Variants in IQCM observed in about 807,000 individuals in gnomAD.
The protein encoded by IQCM is IQ domain-containing protein M.
A neutral mutation model predicts 57.6 loss-of-function variants in IQCM; 45 were observed. That is an observed-to-expected ratio of 0.78 (90% CI 0.62 to 1.00). The LOEUF is 1.00. Among genes scored for constraint, IQCM ranks in the 50% least tolerant of loss-of-function variants. IQCM has a pLI of 0.00. For synonymous variants in IQCM, 148 were observed against 158.9 expected, an observed-to-expected ratio of 0.93 and a Z score of 0.51; for missense variants, 468 against 511.6, an observed-to-expected ratio of 0.91 and a Z score of 0.82.
intron 8 of IQCM, among the ~76,000 whole-genome samples, chr4:149,608,845 A>G (rs1431753487): frequency 6.6e-6 from 1 of 151,864 alleles, no homozygotes; most frequent in African/African-American, 2.4e-5. Context: ...ATCTTAAAGA[A>G]CAAGAAAAGC....
intron 13 of IQCM, among the ~76,000 whole-genome samples, chr4:149,357,762 A>G (rs962661538): frequency 2.0e-5 from 3 of 152,170 alleles, no homozygotes; most frequent in Non-Finnish European, 2.9e-5. Context: ...GGCCTCATCA[A>G]ATGAGTTAGG....
intron 12 of IQCM, among the ~76,000 whole-genome samples, chr4:149,517,114 G>GAAAAAAAAA: frequency 1.2e-5 from 1 of 83,900 alleles, no homozygotes; most frequent in South Asian, 5.0e-4. Flanking sequence ...ACTCCACCAG[G>GAAAAAAAAA]AAAAAAAAAA....
chr4:149,620,169 A>G (rs1316038271), intron 8 of IQCM, among the ~76,000 whole-genome samples: 1 of 152,188 alleles, frequency 6.6e-6, no homozygotes, highest in Admixed American at 6.5e-5. Context: ...AAACAAAAAA[A>G]AAAGAAAAGA....
At chr4:149,451,085 C>G (rs771798538) in intron 12 of IQCM, among the ~76,000 whole-genome samples, 7 of 151,450 alleles carry the variant, frequency 4.6e-5, no homozygotes, top group Non-Finnish European at 1.0e-4. Context: ...TAAGCCAGGC[C>G]AAAAAGGCAA....
intron 12 of IQCM, among the ~76,000 whole-genome samples, chr4:149,497,266 A>C (rs1742754036): frequency 6.6e-6 from 1 of 152,102 alleles, no homozygotes; most frequent in Non-Finnish European, 1.5e-5. Flanking sequence ...CAGGACAAAT[A>C]ATAGAAAAGC....
At chr4:149,384,163 G>A (rs1013224810) in intron 13 of IQCM, among the ~76,000 whole-genome samples, 1 of 152,038 alleles carries the variant, frequency 6.6e-6, no homozygotes, top group African/African-American at 2.4e-5. Context: ...AAAGTGATAT[G>A]GATTTATATC....
intron 13 of IQCM, among the ~76,000 whole-genome samples, chr4:149,415,684 A>C (rs964176793): frequency 6.6e-6 from 1 of 152,154 alleles, no homozygotes; most frequent in African/African-American, 2.4e-5. Context: ...GAGACTAATA[A>C]TAGAATATTC....
chr4:149,770,133 A>G (rs1471993559), intron 2 of IQCM, among the ~76,000 whole-genome samples: 2 of 152,124 alleles, frequency 1.3e-5, no homozygotes, highest in African/African-American at 4.8e-5. Flanking sequence ...CAATAAAAAA[A>G]GGGGGCATTG....
chr4:149,628,726 G>A (rs1019187786), intron 7 of IQCM, among the ~76,000 whole-genome samples: 6 of 152,198 alleles, frequency 3.9e-5, no homozygotes, highest in East Asian at 3.9e-4. Context: ...AAAGAGACTT[G>A]CATACAAGTA....
intron 12 of IQCM, among the ~76,000 whole-genome samples, chr4:149,480,408 C>A (rs559537063): frequency 9.2e-5 from 14 of 152,180 alleles, no homozygotes; most frequent in African/African-American, 2.9e-4. Flanking sequence ...TCCTCCACAC[C>A]TTCCCATTAC....
chr4:149,534,103 C>G (rs1200645919), intron 12 of IQCM, among the ~76,000 whole-genome samples: 1 of 152,062 alleles, frequency 6.6e-6, no homozygotes, highest in Non-Finnish European at 1.5e-5. Flanking sequence ...CTATTTCTTA[C>G]TTTAAAAATC....
intron 12 of IQCM, among the ~76,000 whole-genome samples, chr4:149,444,052 C>T (rs1261104251): frequency 6.6e-6 from 1 of 151,816 alleles, no homozygotes; most frequent in East Asian, 1.9e-4. Context: ...CCTGATAAAG[C>T]TAAATTCCCA....
chr4:149,513,514 T>C (rs562787787), intron 12 of IQCM, among the ~76,000 whole-genome samples: 2 of 152,192 alleles, frequency 1.3e-5, no homozygotes, highest in African/African-American at 4.8e-5. Flanking sequence ...ATTAAGCTAA[T>C]TTTCCAAAAT....
chr4:149,647,631 CT>C lies in IQCM; in HGVS notation c.566-26388del, dbSNP rs1407871589. Among the ~76,000 whole-genome samples, 17 of 151,982 alleles carry C rather than the reference CT, an allele frequency of 1.1e-4. No homozygotes were observed. The East Asian group carries it at 3.3e-3, about 29-fold the overall frequency. On this transcript the variant is annotated intron_variant, in intron 7 of 13. Transcript: ENST00000636793. ...TTTTTCTTTTACTTCTTTTGCTTTTCTTTTTTTCTTCTCTTTTTGCTGGCTT... is the reference window on the plus strand; with the variant it reads ...TTTTTCTTTTACTTCTTTTGCTTTTCTTTTTTCTTCTCTTTTTGCTGGCTT...
intron 5 of IQCM, among the ~76,000 whole-genome samples, chr4:149,716,959 C>G (rs2149844086): frequency 6.6e-6 from 1 of 152,342 alleles, no homozygotes; most frequent in African/African-American, 2.4e-5. Context: ...GGCAAGCACA[C>G]TATGTGCCAG....
chr4:149,661,252 A>G (rs1048894005), intron 7 of IQCM, among the ~76,000 whole-genome samples: 2 of 152,178 alleles, frequency 1.3e-5, no homozygotes, highest in East Asian at 1.9e-4. Flanking sequence ...AATGTGGTAT[A>G]TCACATTTAT....
chr4:149,656,853 A>C (rs1037685634), intron 7 of IQCM, among the ~76,000 whole-genome samples: 1 of 152,182 alleles, frequency 6.6e-6, no homozygotes, highest in Non-Finnish European at 1.5e-5. Context: ...ACTACAAAAA[A>C]GTTCAAATTT....
intron 2 of IQCM, among the ~76,000 whole-genome samples, chr4:149,762,054 T>C (rs1769572991): frequency 6.6e-6 from 1 of 152,018 alleles, no homozygotes; most frequent in Admixed American, 6.6e-5. Context: ...ACTGAAGAAT[T>C]TATCTCCATT....
intron 13 of IQCM, among the ~76,000 whole-genome samples, chr4:149,364,311 G>A (rs1729690499): frequency 6.6e-6 from 1 of 152,144 alleles, no homozygotes; most frequent in Non-Finnish European, 1.5e-5. Flanking sequence ...GCACTGTCTA[G>A]ATGATGTTTC....
Sources: allele counts gnomAD v4.1 joint callset (sites outside exome capture counted in the v4.1 genomes callset), GRCh38; gene constraint gnomAD v4.1.1; transcripts MANE v1.5; gene names NCBI Gene and HGNC (gene_info 2026-07-23, HGNC 2026-07-21).